The following PPP3CC variants were observed in gnomAD, a reference collection of about 807,000 sequenced individuals.
PPP3CC encodes the protein serine/threonine-protein phosphatase 2B catalytic subunit gamma isoform.
A neutral mutation model predicts 60.3 loss-of-function variants in PPP3CC; 35 were observed. That is an observed-to-expected ratio of 0.58 (90% CI 0.44 to 0.77). The LOEUF (loss-of-function observed/expected upper bound fraction) is 0.77. Among genes scored for constraint, PPP3CC ranks in the 30% least tolerant of loss-of-function variants. The pLI is 0.00. For synonymous variants in PPP3CC, 206 were observed against 224.3 expected, an observed-to-expected ratio of 0.92 and a Z score of 0.73; for missense variants, 570 against 628.9, an observed-to-expected ratio of 0.91 and a Z score of 1.00.
At chr8:22,537,337 T>A (rs1281784418) in intron 12 of PPP3CC, among the ~76,000 whole-genome samples, 1 of 152,192 alleles carries the variant, frequency 6.6e-6, no homozygotes, top group Non-Finnish European at 1.5e-5. Context: ...CAGAAAATGC[T>A]AATCAAAACC....
chr8:22,534,486 G>A (rs146044297), intron 12 of PPP3CC, among the ~76,000 whole-genome samples: 40 of 152,080 alleles, frequency 2.6e-4, no homozygotes, highest in African/African-American at 9.4e-4. Context: ...CTAGTACTAG[G>A]TATGTTGCTA....
intron 4 of PPP3CC, 175 bp from the exon 5 acceptor site, chr8:22,510,911 G>A (rs1839066635): frequency 1.6e-6 from 1 of 611,658 alleles, no homozygotes; most frequent in African/African-American, 1.8e-5. Flanking sequence ...GAGGAGAGAG[G>A]TATTGTTAAC....
At chr8:22,476,563 T>A (rs1837893467) in intron 3 of PPP3CC, among the ~76,000 whole-genome samples, 1 of 152,218 alleles carries the variant, frequency 6.6e-6, no homozygotes, top group African/African-American at 2.4e-5. Flanking sequence ...GTTGCTCTAT[T>A]GCTGTAGAAA....
intron 3 of PPP3CC, among the ~76,000 whole-genome samples, chr8:22,481,354 T>A (rs904059506): frequency 1.8e-4 from 23 of 130,428 alleles, no homozygotes; most frequent in African/African-American, 5.9e-4. Flanking sequence ...TAAATAATAA[T>A]AATAATAATA....
At chr8:22,453,478 C>T (rs1210883238) in intron 1 of PPP3CC, among the ~76,000 whole-genome samples, 1 of 152,098 alleles carries the variant, frequency 6.6e-6, no homozygotes, top group African/African-American at 2.4e-5. Context: ...CCCACATATA[C>T]CAAAATCCCT....
chr8:22,484,307 G>T (rs1174583717), intron 3 of PPP3CC, among the ~76,000 whole-genome samples: 1 of 151,918 alleles, frequency 6.6e-6, no homozygotes, highest in African/African-American at 2.4e-5. Context: ...GACTATATGA[G>T]ATTTTATTAT....
At chr8:22,456,997 C>CTCCG (rs1586790557) in intron 1 of PPP3CC, among the ~76,000 whole-genome samples, 1 of 57,318 alleles carries the variant, frequency 1.7e-5, no homozygotes. Context: ...CCCTCCCTCC[C>CTCCG]TCCCTCCCTC....
chr8:22,475,355 T>C lies in PPP3CC; in HGVS notation c.248-145T>C, dbSNP rs1837854953. The C allele has an allele frequency of 3.9e-6, 4 of 1,020,910 alleles. No homozygotes were observed. The East Asian group carries it at 9.6e-5, about 24-fold the overall frequency. The allele number at this position is 1,020,910 out of a possible 1,614,324, so 63.2% of individuals were successfully genotyped here. The stretch of plus-strand genomic sequence containing the variant: ...ATATTTCCAGTAGAACTATTTAGTA[T>C]GAGTAGATTGACTACAGTTTTACAG... On this transcript the variant is annotated intron_variant, in intron 2 of 13. Coordinates refer to ENST00000240139, the MANE Select transcript of PPP3CC (RefSeq NM_005605.5).
intron 4 of PPP3CC, among the ~76,000 whole-genome samples, chr8:22,500,806 T>G (rs1838739387): frequency 6.6e-6 from 1 of 152,216 alleles, no homozygotes; most frequent in South Asian, 2.1e-4. Context: ...GAATAAACAC[T>G]TTAAATCAGC....
intron 3 of PPP3CC, among the ~76,000 whole-genome samples, chr8:22,491,473 C>T (rs1427516258): frequency 6.6e-6 from 1 of 152,174 alleles, no homozygotes; most frequent in African/African-American, 2.4e-5. Context: ...AGCTCTTGCA[C>T]TCACTCTTAG....
chr8:22,496,760 G>A (rs957170577), intron 3 of PPP3CC, among the ~76,000 whole-genome samples: 6 of 151,844 alleles, frequency 4.0e-5, no homozygotes, highest in African/African-American at 2.4e-5. Context: ...GCCTCCCCAA[G>A]TGCTAGTATT....
At chr8:22,490,820 A>G (rs1369712166) in intron 3 of PPP3CC, among the ~76,000 whole-genome samples, 2 of 152,200 alleles carry the variant, frequency 1.3e-5, no homozygotes, top group South Asian at 2.1e-4. Context: ...TCCATGGTGT[A>G]TATGTGCCAC....
chr8:22,477,326 A>C (rs141231890), intron 3 of PPP3CC, among the ~76,000 whole-genome samples: 3,175 of 152,094 alleles, frequency 0.021, 119 homozygotes, highest in African/African-American at 0.072. Flanking sequence ...AAAATACGAA[A>C]GTTTACCAGG....
At chr8:22,447,533 G>A (rs1836868233) in intron 1 of PPP3CC, among the ~76,000 whole-genome samples, 1 of 151,948 alleles carries the variant, frequency 6.6e-6, no homozygotes, top group Non-Finnish European at 1.5e-5. Context: ...GTTGAGGCTG[G>A]TCTTGAACTC....
intron 1 of PPP3CC, among the ~76,000 whole-genome samples, chr8:22,451,177 C>G (rs893553231): frequency 6.7e-6 from 1 of 149,148 alleles, no homozygotes; most frequent in African/African-American, 2.5e-5. Flanking sequence ...ACTCTGTCTC[C>G]CAGGCTGGAG....
At chr8:22,485,235 G>A (rs1838190529) in intron 3 of PPP3CC, among the ~76,000 whole-genome samples, 5 of 152,006 alleles carry the variant, frequency 3.3e-5, no homozygotes, top group Admixed American at 3.3e-4. Context: ...AATTTGCAAA[G>A]GCCAAATAAA....
rs920269850 is a variant in PPP3CC at position 22,498,113 on chromosome 8, G to A, written c.484+1G>A. 1 of 1,591,830 alleles carries A rather than the reference G, an allele frequency of 6.3e-7. No homozygotes were observed. The highest frequency in any genetic ancestry group is 8.6e-7 in the Non-Finnish European group (1 of 1,160,350). ...GACTATTTCACCTTCAAACAGGAAT[G>A]TAAGTATAATCACTCCTCTAGAACC... is the stretch of plus-strand genomic sequence containing the variant. On this transcript the variant is annotated splice_donor_variant, in intron 4 of 13. Transcript: ENST00000240139. LOFTEE classifies it high-confidence loss of function.
intron 9 of PPP3CC, 133 bp downstream of exon 9, chr8:22,527,650 T>TC: frequency 1.8e-6 from 2 of 1,111,532 alleles, no homozygotes; most frequent in South Asian, 1.7e-5. Flanking sequence ...TTTTTTTTTT[T>TC]TCTGAGATGG....
chr8:22,507,223 AAATTGCTTTCAGATAATTT>A (rs533599374), intron 4 of PPP3CC, among the ~76,000 whole-genome samples: 110 of 152,308 alleles, frequency 7.2e-4, no homozygotes, highest in African/African-American at 2.5e-3. Flanking sequence ...CTGACTCTCA[AAATTGCTTTCAGATAATTT>A]TGTTGAAAAT....
Sources: allele counts gnomAD v4.1 joint callset (sites outside exome capture counted in the v4.1 genomes callset), GRCh38; gene constraint gnomAD v4.1.1; transcripts MANE v1.5; gene names NCBI Gene and HGNC (gene_info 2026-07-23, HGNC 2026-07-21).